Variants in AK9 observed in about 807,000 individuals in gnomAD.
AK9 encodes adenylate kinase domain containing 1.
Under a neutral mutation model 239.6 loss-of-function variants are expected in AK9, and 191 were observed. That is an observed-to-expected ratio of 0.80 (90% CI 0.71 to 0.90). The LOEUF is 0.90. Ranked by LOEUF, AK9 falls within the 40% of genes least tolerant of loss-of-function variation. The probability of loss-of-function intolerance (pLI) is 0.00; values close to 1 mark genes in which losing one functional copy is unlikely to be tolerated. For missense variants in AK9, 1,995 were observed against 2,214.7 expected (o/e 0.90, Z 1.99); for synonymous variants, 689 against 721.0 (o/e 0.96, Z 0.71).
At chr6:109,674,396 A>G (rs1287653471) in intron 2 of AK9, 135 bp from the exon 3 acceptor site, 1 of 592,610 alleles carries the variant, frequency 1.7e-6, no homozygotes, top group Non-Finnish European at 2.8e-6. Flanking sequence ...AAAATGAAGA[A>G]TAGACCCTAG....
intron 1 of AK9, 99 bp downstream of exon 1, chr6:109,691,048 T>C: frequency 6.7e-6 from 2 of 297,146 alleles, no homozygotes; most frequent in Non-Finnish European, 1.3e-5. Context: ...AGCTACCCAA[T>C]CCCAAACCTT....
chr6:109,647,712 T>C (rs1798276922), intron 8 of AK9, among the ~76,000 whole-genome samples: 1 of 152,084 alleles, frequency 6.6e-6, no homozygotes, highest in Non-Finnish European at 1.5e-5. Context: ...TACCCAGGAA[T>C]TGAACTCAGC....
Position 109,614,431 on chromosome 6 carries a change from A to T in AK9, c.1449T>A (p.Phe483Leu). 1 of 1,551,362 alleles carries T rather than the reference A, an allele frequency of 6.4e-7. No homozygotes were observed. The highest frequency in any genetic ancestry group is 8.7e-7 in the Non-Finnish European group (1 of 1,146,766). Residue 483 changes from phenylalanine (F) to leucine (L), a missense_variant, in exon 14 of 41, where the codon TTT becomes TTA. Phe to Leu is a conservative substitution (Grantham distance 22). Coordinates refer to ENST00000424296, the MANE Select transcript of AK9 (RefSeq NM_001145128.3). The part of the protein sequence containing the change: ...EFQRQYEKME[F>L]GVFPMEATHS... ...GTGTTGCCTCCATTGGGAATACTCC[A>T]AACTCCATTTTTTCATATTGCCTTT...
rs776780544 is a variant in AK9, at chr6:109,545,957, A to G, written c.3135T>C (p.Asp1045=). 1.2e-6 allele frequency: 2 copies of G among 1,614,204 alleles called. No homozygotes were observed. Among genetic ancestry groups the G allele is most frequent in the Non-Finnish European group, 8.5e-7 (1 of 1,180,032 alleles). ...GTTTGGCAGCTTGCTCGTTCTCAGA[A>G]TCTTCCTCAAATTCAGGTCCCACTT... ...EKKVGPEFEE[D]SENEQAAKQE... Residue 1045 remains aspartate, a synonymous_variant, in exon 26 of 41, where the codon GAT becomes GAC. Transcript: ENST00000424296.
At chr6:109,542,242 A>G in intron 26 of AK9, 71 bp from the exon 27 acceptor site, 2 of 1,405,266 alleles carry the variant, frequency 1.4e-6, no homozygotes, top group South Asian at 1.4e-5. Flanking sequence ...TCTCACTCAT[A>G]TGTGAAAGTT....
intron 1 of AK9, among the ~76,000 whole-genome samples, chr6:109,676,815 C>T (rs190720740): frequency 6.6e-6 from 1 of 152,102 alleles, no homozygotes; most frequent in East Asian, 1.9e-4. Flanking sequence ...CACAACACTA[C>T]TCACAACAGC....
intron 29 of AK9, among the ~76,000 whole-genome samples, chr6:109,521,881 G>GT (rs1562347566): frequency 6.6e-6 from 1 of 151,890 alleles, no homozygotes; most frequent in South Asian, 2.1e-4. Flanking sequence ...TGTTTCTAGG[G>GT]TTTTTTCGTT....
intron 5 of AK9, among the ~76,000 whole-genome samples, chr6:109,670,659 A>C (rs964925869): frequency 6.6e-6 from 1 of 152,014 alleles, no homozygotes; most frequent in African/African-American, 2.4e-5. Flanking sequence ...TAGCCATGTA[A>C]ACCAATTTAA....
chr6:109,688,829 AG>A (rs1231623837), intron 1 of AK9, among the ~76,000 whole-genome samples: 1 of 152,192 alleles, frequency 6.6e-6, no homozygotes, highest in Non-Finnish European at 1.5e-5. Flanking sequence ...AGATGGAGAT[AG>A]GGTTGCTGCT....
At chr6:109,496,214 A>C (rs995484817) in intron 38 of AK9, among the ~76,000 whole-genome samples, 1 of 152,200 alleles carries the variant, frequency 6.6e-6, no homozygotes, top group Non-Finnish European at 1.5e-5. Flanking sequence ...AACAGCAATA[A>C]TACTTTCCAG....
At chr6:109,538,384 T>C (rs189834659) in intron 27 of AK9, among the ~76,000 whole-genome samples, 7 of 152,326 alleles carry the variant, frequency 4.6e-5, no homozygotes, top group African/African-American at 1.4e-4. Context: ...TCTTTTGATC[T>C]TTGTTGGTTG....
At chr6:109,567,995 A>G (rs1171204012) in intron 21 of AK9, among the ~76,000 whole-genome samples, 1 of 152,132 alleles carries the variant, frequency 6.6e-6, no homozygotes, top group African/African-American at 2.4e-5. Flanking sequence ...TTTTAGACCA[A>G]TGTCCCTGAT....
intron 12 of AK9, chr6:109,632,605 A>C (rs985145509): frequency 3.1e-5 from 11 of 354,002 alleles, no homozygotes; most frequent in Non-Finnish European, 4.8e-5. Flanking sequence ...GGAGAAGTGA[A>C]ACCCAGGGGA....
intron 1 of AK9, among the ~76,000 whole-genome samples, chr6:109,690,300 C>G (rs1437616724): frequency 6.6e-6 from 1 of 152,230 alleles, no homozygotes; most frequent in Non-Finnish European, 1.5e-5. Flanking sequence ...GGAATAAATA[C>G]TTCAGTCGTT....
intron 17 of AK9, among the ~76,000 whole-genome samples, chr6:109,594,303 T>C (rs1479468301): frequency 1.3e-5 from 2 of 152,030 alleles, no homozygotes; most frequent in Non-Finnish European, 2.9e-5. Flanking sequence ...AGAATACAAC[T>C]TACAAGGGAT....
intron 17 of AK9, among the ~76,000 whole-genome samples, chr6:109,588,754 C>T (rs1293820309): frequency 6.6e-6 from 1 of 152,040 alleles, no homozygotes; most frequent in Non-Finnish European, 1.5e-5. Flanking sequence ...AATTTTGTAT[C>T]TGGTGAGAGA....
rs1041761044 is a variant in AK9, at chr6:109,498,608, G to A, written c.5046+436C>T. ...TCTGTTCCATTAAGCAGAAATATAA[G>A]GTATACAAAGAGTTCTAGTGATAGA... On this transcript the variant is annotated intron_variant, in intron 36 of 40. Transcript: ENST00000424296. Among the ~76,000 whole-genome samples the A allele has an allele frequency of 2.7e-4, 41 of 152,184 alleles. 1 individual carries two copies. The highest frequency in any genetic ancestry group is 8.8e-5 in the Non-Finnish European group (6 of 68,034).
In AK9 at chr6:109,564,264, A is replaced by G; in HGVS notation, c.2451T>C (p.Phe817=). Residue 817 remains phenylalanine (F), a synonymous_variant, in exon 23 of 41, where the codon TTT becomes TTC. Transcript: ENST00000424296. ...KLSETVVLPE[F]PEDSYPDVPE... ...GAACATCAGGATAAGAGTCTTCTGG[A>G]AACTCAGGTAGTACAACTTTGGAGT... 1 of 1,549,990 alleles carries G rather than the reference A, an allele frequency of 6.5e-7. No homozygotes were observed. The highest frequency in any genetic ancestry group is 8.7e-7 in the Non-Finnish European group (1 of 1,146,408).
chr6:109,625,040 G>A (rs1470753884), intron 12 of AK9, among the ~76,000 whole-genome samples: 1 of 151,688 alleles, frequency 6.6e-6, no homozygotes, highest in Non-Finnish European at 1.5e-5. Flanking sequence ...TTTTCCAAAT[G>A]TTCCCTTTTC....
Sources: allele counts gnomAD v4.1 joint callset (sites outside exome capture counted in the v4.1 genomes callset), GRCh38; gene constraint gnomAD v4.1.1; transcripts MANE v1.5; gene names NCBI Gene and HGNC (gene_info 2026-07-23, HGNC 2026-07-21).